Variants in LHX5 observed in about 807,000 individuals in gnomAD.
LHX5 encodes the protein LIM/homeobox protein Lhx5.
In LHX5, 5 loss-of-function variants were observed where a neutral mutation model predicts 30.6. That is an observed-to-expected ratio of 0.16 (90% confidence interval 0.09 to 0.34). LHX5 has a LOEUF of 0.34. LHX5 is among the 10% of genes least tolerant of loss of function. The pLI is 1.00. For synonymous variants in LHX5, 266 were observed against 252.6 expected (o/e 1.05, Z -0.50); for missense variants, 458 against 570.6 (o/e 0.80, Z 2.01).
rs1426982053 is a variant in LHX5 at position 113,462,374 on chromosome 12, G to C, written c.*816C>G. 6.6e-6 allele frequency: 1 copy of C among 152,228 alleles called. No individual in the cohort carries two copies. Among genetic ancestry groups the C allele is most frequent in the Non-Finnish European group, 1.5e-5 (1 of 68,054 alleles). The allele number at this position is 152,228 out of a possible 1,614,324, so 9.4% of individuals were successfully genotyped here. ...CTGTGGGTCTGAGCCCAGCAATCCTGGCGCCCCACCCAGGGGGAGAGCAGG... is the reference window on the plus strand; with the variant it reads ...CTGTGGGTCTGAGCCCAGCAATCCTCGCGCCCCACCCAGGGGGAGAGCAGG... On this transcript the variant is annotated 3_prime_UTR_variant, in exon 5 of 5. Transcript: ENST00000261731.
At position 113,465,103 on chromosome 12, in the gene LHX5, C is replaced by T. The variant is rs893611401; in HGVS notation, c.842-1546G>A. Among the ~76,000 whole-genome samples, 5 of 152,266 alleles carry T rather than the reference C, an allele frequency of 3.3e-5. No homozygotes were observed. Among genetic ancestry groups the T allele is most frequent in the Non-Finnish European group, 7.3e-5 (5 of 68,048 alleles). On this transcript the variant is annotated intron_variant, in intron 4 of 4. Coordinates refer to ENST00000261731, the MANE Select transcript of LHX5 (RefSeq NM_022363.3). The surrounding 1 kb of genome is among the most constrained non-coding windows in gnomAD (Gnocchi z 6.7). ...GGCGAATTCCTGATGCCCCCTGCCA[C>T]CCTCTTCCCTCTCCAAACCCTGAAA... is the stretch of plus-strand genomic sequence containing the variant.
chr12:113,463,453 A>G lies in LHX5; in HGVS notation c.946T>C (p.Ser316Pro), dbSNP rs1958190873. The G allele has an allele frequency of 2.6e-6, 4 of 1,558,040 alleles. No homozygotes were observed. In the African/African-American group the frequency reaches 4.1e-5, roughly 16 times the overall value. ...SPADSSFLAASGPGSTPLGAL... is the reference protein window; with the variant it reads ...SPADSSFLAAPGPGSTPLGAL... ...CCCAGCGGCGTCGAGCCGGGGCCAG[A>G]GGCCGCCAGGAAGCTGGAGTCGGCC... Residue 316 changes from serine to proline, a missense_variant, in exon 5 of 5, where the codon TCT (serine) becomes CCT (proline). Coordinates refer to ENST00000261731, the MANE Select transcript of LHX5 (RefSeq NM_022363.3). This position sits in a 1 kb window ranked among gnomAD's most constrained non-coding sequence, Gnocchi z 6.7.
intron 1 of LHX5, among the ~76,000 whole-genome samples, chr12:113,470,266 C>T (rs147033040): frequency 5.3e-5 from 8 of 152,314 alleles, no homozygotes; most frequent in African/African-American, 1.9e-4. Context: ...ACACCCATGT[C>T]TCTAAACAGG....
At chr12:113,468,077 C>T (rs1343307933) in intron 3 of LHX5, 50 bp downstream of exon 3, 13 of 1,462,922 alleles carry the variant, frequency 8.9e-6, no homozygotes, top group Non-Finnish European at 1.1e-5. Flanking sequence ...CCGAGGCTCC[C>T]GGCTCCCAGG....
In LHX5 at chr12:113,469,201, G is replaced by A. The variant is rs370003825; in HGVS notation, c.318C>T (p.Tyr106=). 4 of 1,614,148 alleles carry A rather than the reference G, an allele frequency of 2.5e-6. No homozygotes were observed. The African/African-American group carries it at 4.0e-5, about 16-fold the overall frequency. The change falls in exon 2 of 5, where the codon TAC becomes TAT. Residue 106 remains tyrosine (Y), a synonymous_variant. Transcript: ENST00000261731. ...NKQLSTGEEL[Y]VIDENKFVCK... ...ACACGAACTTGTTCTCGTCGATGAC[G>A]TAGAGCTCCTCGCCGGTGGACAGCT...
At chr12:113,468,090 A>C (rs906317068) in intron 3 of LHX5, 37 bp downstream of exon 3, 3 of 1,480,492 alleles carry the variant, frequency 2.0e-6, no homozygotes, top group Non-Finnish European at 1.8e-6. Flanking sequence ...CTCCCAGGCC[A>C]GCGGGGCTAA....
Position 113,467,311 on chromosome 12 carries a change from G to T in LHX5, c.786C>A (p.Gly262=). The change falls in exon 4 of 5, where the codon GGC becomes GGA. Residue 262 remains glycine (G), a synonymous_variant. Coordinates refer to ENST00000261731, the MANE Select transcript of LHX5 (RefSeq NM_022363.3). The surrounding 1 kb of genome is among the most constrained non-coding windows in gnomAD (Gnocchi z 6.3). The part of the protein sequence containing the change: ...FRSPRRMRPL[G]GRLDESEMLG... ...ACATCTCAGACTCGTCCAAGCGGCCGCCCAGCGGACGCATGCGCCGCGGAC... is the reference window on the plus strand; with the variant it reads ...ACATCTCAGACTCGTCCAAGCGGCCTCCCAGCGGACGCATGCGCCGCGGAC... 6.4e-7 allele frequency: 1 copy of T among 1,565,970 alleles called. No homozygotes were observed. The highest frequency in any genetic ancestry group is 8.7e-7 in the Non-Finnish European group (1 of 1,152,096).
Position 113,471,657 on chromosome 12 carries a change from T to TGGTC in LHX5, c.-160_-159insGACC. The TGGTC allele has an allele frequency of 1.4e-6, 1 of 708,848 alleles. No individual in the cohort carries two copies. Among genetic ancestry groups the TGGTC allele is most frequent in the South Asian group, 2.0e-5 (1 of 49,848 alleles). The allele number at this position is 708,848 out of a possible 1,614,324, so 43.9% of individuals were successfully genotyped here. On this transcript the variant is annotated 5_prime_UTR_variant, in exon 1 of 5. Coordinates refer to ENST00000261731, the MANE Select transcript of LHX5 (RefSeq NM_022363.3). ...CAGCCGGTCCAGTCCTTGGGCAATC[T>TGGTC]CTGGCCTGGCGCTGGGCTGCCCGGA...
At chr12:113,471,200 C>T (rs1958247973) in intron 1 of LHX5, 126 bp downstream of exon 1, 2 of 1,003,702 alleles carry the variant, frequency 2.0e-6, no homozygotes, top group East Asian at 2.6e-5. Flanking sequence ...AAAGTGCTGC[C>T]CGCTCCCCAT....
chr12:113,463,274 C>A lies in LHX5; in HGVS notation c.1125G>T (p.Pro375=). 1.3e-6 allele frequency: 2 copies of A among 1,519,646 alleles called. No homozygotes were observed. The highest frequency in any genetic ancestry group is 1.8e-6 in the Non-Finnish European group (2 of 1,138,474). The allele number at this position is 1,519,646 out of a possible 1,614,324, so 94.1% of individuals were successfully genotyped here. A position where few individuals can be genotyped will look rare whatever the true frequency, so the allele number is the denominator to read the frequency against. Residue 375 remains proline, a synonymous_variant, in exon 5 of 5, where the codon CCG becomes CCT. Transcript: ENST00000261731. This position sits in a 1 kb window ranked among gnomAD's most constrained non-coding sequence, Gnocchi z 6.7. The stretch of plus-strand genomic sequence containing the variant: ...CGCTGGTGCCGCTCATTGGGAAGGG[C>A]GGGCTGGGCCCGCCGCTGAATACCT... ...PGEVFSGGPS[P]PFPMSGTSGY...
chr12:113,470,983 C>CT (rs1958246462), intron 1 of LHX5, among the ~76,000 whole-genome samples: 1 of 152,182 alleles, frequency 6.6e-6, no homozygotes, highest in East Asian at 1.9e-4. Context: ...CTTCCTCTCT[C>CT]TCGGGACGGG....
intron 1 of LHX5, among the ~76,000 whole-genome samples, chr12:113,469,558 G>A (rs1366680940): frequency 6.6e-6 from 1 of 152,234 alleles, no homozygotes; most frequent in African/African-American, 2.4e-5. Context: ...CCTCCACTGG[G>A]GCTTTTCAGA....
Position 113,463,643 on chromosome 12 carries a change from G to C in LHX5, c.842-86C>G, listed in dbSNP as rs530713140. 1 of 1,396,172 alleles carries C rather than the reference G, an allele frequency of 7.2e-7. No individual in the cohort carries two copies. The highest frequency in any genetic ancestry group is 1.5e-5 in the South Asian group (1 of 68,748). The allele number at this position is 1,396,172 out of a possible 1,614,324, so 86.5% of individuals were successfully genotyped here. On this transcript the variant is annotated intron_variant, in intron 4 of 4. Coordinates refer to ENST00000261731, the MANE Select transcript of LHX5 (RefSeq NM_022363.3). The surrounding 1 kb of genome is among the most constrained non-coding windows in gnomAD (Gnocchi z 6.7). ...ACCCGGGACCCGGGGAGGGGACCCG[G>C]GCGGGCGAGAGAGGGGAGCGCGCGA...
Position 113,463,567 on chromosome 12 carries a change from G to T in LHX5, c.842-10C>A, listed in dbSNP as rs758472037. 1 of 1,517,158 alleles carries T rather than the reference G, an allele frequency of 6.6e-7. No homozygotes were observed. Among genetic ancestry groups the T allele is most frequent in the East Asian group, 2.5e-5 (1 of 39,844 alleles). The allele number at this position is 1,517,158 out of a possible 1,614,324, so 94.0% of individuals were successfully genotyped here. A position where few individuals can be genotyped will look rare whatever the true frequency, so the allele number is the denominator to read the frequency against. On this transcript the variant is annotated splice_polypyrimidine_tract_variant and intron_variant, in intron 4 of 4. Coordinates refer to ENST00000261731, the MANE Select transcript of LHX5 (RefSeq NM_022363.3). The surrounding 1 kb of genome is among the most constrained non-coding windows in gnomAD (Gnocchi z 6.7). Reference sequence around the variant, plus strand: ...TAGTCGCCTTGGTAGTCTGCGGAGGGGGAGCGGGAAGGAGACAGGGCGCGG... The same window carrying T: ...TAGTCGCCTTGGTAGTCTGCGGAGGTGGAGCGGGAAGGAGACAGGGCGCGG...
rs1295125991 is a variant in LHX5 at position 113,467,702 on chromosome 12, C to T, written c.676-281G>A. On this transcript the variant is annotated intron_variant, in intron 3 of 4. Transcript: ENST00000261731. This position sits in a 1 kb window ranked among gnomAD's most constrained non-coding sequence, Gnocchi z 6.3. ...GGCCTGACGGCTCTATAAAGGCCTC[C>T]CTCCCGGCACGGCTCTCGCCTCGGC... is the stretch of plus-strand genomic sequence containing the variant. 6.6e-6 allele frequency among the ~76,000 whole-genome samples: 1 copy of T among 152,236 alleles called. No individual in the cohort carries two copies. The highest frequency in any genetic ancestry group is 2.4e-5 in the African/African-American group (1 of 41,478).
chr12:113,468,474 C>A, intron 2 of LHX5, 70 bp from the exon 3 acceptor site: 1 of 1,495,344 alleles, frequency 6.7e-7, no homozygotes. Context: ...AGTCCAGTGG[C>A]GGGTTCCCGC....
Position 113,467,363 on chromosome 12 carries a change from C to A in LHX5, c.734G>T (p.Gly245Val). ...CCGGAAGAAGGCGTGCCTCCGGGCG[C>A]CTAGGGCGCTCAGCTGTTTCATCCG... ...ERRMKQLSAL[G>V]ARRHAFFRSP... Residue 245 changes from glycine to valine, a missense_variant, in exon 4 of 5, where the codon GGC becomes GTC. Coordinates refer to ENST00000261731, the MANE Select transcript of LHX5 (RefSeq NM_022363.3). This position sits in a 1 kb window ranked among gnomAD's most constrained non-coding sequence, Gnocchi z 6.3. 6.3e-7 allele frequency: 1 copy of A among 1,589,230 alleles called. No homozygotes were observed. Among genetic ancestry groups the A allele is most frequent in the South Asian group, 1.1e-5 (1 of 88,122 alleles).
rs931915919 is a variant in LHX5 at position 113,465,656 on chromosome 12, C to T, written c.841+1600G>A. ...AGGGAGAGGAGGCGGTGGGATAGGT[C>T]GGGGCGGGGGCGAAGTGGTCCTCGG... is the stretch of plus-strand genomic sequence containing the variant. On this transcript the variant is annotated intron_variant, in intron 4 of 4. Transcript: ENST00000261731. This position sits in a 1 kb window ranked among gnomAD's most constrained non-coding sequence, Gnocchi z 6.7. 1.3e-5 allele frequency among the ~76,000 whole-genome samples: 2 copies of T among 152,182 alleles called. No homozygotes were observed. Among genetic ancestry groups the T allele is most frequent in the Non-Finnish European group, 2.9e-5 (2 of 68,008 alleles).
Position 113,465,443 on chromosome 12 carries a change from T to C in LHX5, c.841+1813A>G, listed in dbSNP as rs1327446104. 6.6e-6 allele frequency among the ~76,000 whole-genome samples: 1 copy of C among 152,224 alleles called. No homozygotes were observed. Among genetic ancestry groups the C allele is most frequent in the Non-Finnish European group, 1.5e-5 (1 of 68,032 alleles). ...CACAAAAGCCGCAGCTGGGGCTTTG[T>C]CCGCGCTCCCACGGGGAGCCGCCGG... On this transcript the variant is annotated intron_variant, in intron 4 of 4. Coordinates refer to ENST00000261731, the MANE Select transcript of LHX5 (RefSeq NM_022363.3). The surrounding 1 kb of genome is among the most constrained non-coding windows in gnomAD (Gnocchi z 6.7).
Sources: gnomAD v4.1 joint callset for allele counts (sites outside exome capture counted in the v4.1 genomes callset) on GRCh38, gnomAD v4.1.1 for gene constraint, Gnocchi (gnomAD v3.1) non-coding constraint, MANE v1.5 for transcripts, NCBI Gene and HGNC (gene_info 2026-07-23, HGNC 2026-07-21) for gene names.